Variants in COL24A1 observed in about 807,000 individuals in gnomAD.
The protein encoded by COL24A1 is collagen alpha-1(XXIV) chain.
A neutral mutation model predicts 253.9 loss-of-function variants in COL24A1; 224 were observed. The ratio of observed to expected loss-of-function variants is 0.88; its 90% CI spans 0.79 to 0.99. COL24A1 has a LOEUF of 0.99. Among genes scored for constraint, COL24A1 ranks in the 50% least tolerant of loss-of-function variants. The pLI is 0.00. For missense variants in COL24A1, 2,131 were observed against 2,068.5 expected, an observed-to-expected ratio of 1.03 and a Z score of -0.59; for synonymous variants, 685 against 673.7, an observed-to-expected ratio of 1.02 and a Z score of -0.26.
chr1:85,926,792 T>G (rs1418845981), intron 24 of COL24A1, among the ~76,000 whole-genome samples: 2 of 151,986 alleles, frequency 1.3e-5, no homozygotes, highest in African/African-American at 4.8e-5. Context: ...GTTGTGCACA[T>G]GTACCCTAGA....
intron 10 of COL24A1, among the ~76,000 whole-genome samples, chr1:86,056,428 C>G (rs887491908): frequency 6.6e-6 from 1 of 152,178 alleles, no homozygotes; most frequent in African/African-American, 2.4e-5. Flanking sequence ...TGTTCTCCTA[C>G]ATCACAGGGC....
In COL24A1 at chr1:85,997,542, T is replaced by C. The variant is rs550172322; in HGVS notation, c.2311-9888A>G. ...ACTCACACCTGTAATCCCAGCACTT[T>C]GGGAGGCCAACTTGGGTGGATCACA... On this transcript the variant is annotated intron_variant, in intron 19 of 59. Transcript: ENST00000370571. 1.2e-3 allele frequency among the ~76,000 whole-genome samples: 185 copies of C among 152,188 alleles called. 3 individuals are homozygous for C. Among genetic ancestry groups the C allele is most frequent in the South Asian group, 7.1e-3 (34 of 4,818 alleles).
In COL24A1 at chr1:86,105,736, G is replaced by A. The variant is rs577682259; in HGVS notation, c.1599+6831C>T. Among the ~76,000 whole-genome samples, 10 of 152,206 alleles carry A rather than the reference G, an allele frequency of 6.6e-5. No homozygotes were observed. In the East Asian group the frequency reaches 1.2e-3, roughly 18 times the overall value. On this transcript the variant is annotated intron_variant, in intron 5 of 59. Coordinates refer to ENST00000370571, the MANE Select transcript of COL24A1 (RefSeq NM_152890.7). ...GCTGCTCCTACCACTTATCTAAGCC[G>A]CTCTCCCTGTCAATGAAGTGGCTGT...
rs191547642 is a variant in COL24A1 at position 86,125,171 on chromosome 1, G to A, written c.1165C>T (p.Leu389=). 1.4e-5 allele frequency: 22 copies of A among 1,613,256 alleles called. No homozygotes were observed. The highest frequency in any genetic ancestry group is 1.9e-5 in the Non-Finnish European group (22 of 1,179,500). Residue 389 remains leucine, a synonymous_variant, in exon 3 of 60, where the codon CTG becomes TTG. Transcript: ENST00000370571. The stretch of plus-strand genomic sequence containing the variant: ...AGAATAGATGGCATCTTCTTAAACA[G>A]TGACAGACCAGTTACTCTATCATCA... ...QHDDRVTGLS[L]FKKMPSILPQ...
At chr1:86,003,439 G>A (rs1695625335) in intron 19 of COL24A1, among the ~76,000 whole-genome samples, 1 of 152,174 alleles carries the variant, frequency 6.6e-6, no homozygotes, top group African/African-American at 2.4e-5. Flanking sequence ...ACTCACTGCA[G>A]TTACCTTCTC....
At chr1:85,862,021 T>C (rs559566448) in intron 37 of COL24A1, among the ~76,000 whole-genome samples, 36 of 152,302 alleles carry the variant, frequency 2.4e-4, no homozygotes, top group African/African-American at 8.7e-4. Flanking sequence ...CTCAATGTAA[T>C]TGTCCCCTAT....
At chr1:85,773,354 C>G (rs778266393) in intron 53 of COL24A1, among the ~76,000 whole-genome samples, 9 of 152,072 alleles carry the variant, frequency 5.9e-5, no homozygotes, top group Non-Finnish European at 8.8e-5. Flanking sequence ...GCTATGTGGG[C>G]TCTTTTTTGG....
intron 7 of COL24A1, among the ~76,000 whole-genome samples, chr1:86,077,068 G>A (rs943238026): frequency 1.3e-5 from 2 of 152,196 alleles, no homozygotes; most frequent in Admixed American, 6.5e-5. Flanking sequence ...CTACAGGACA[G>A]GAGAAAATTT....
chr1:85,953,805 T>G (rs1485285749), intron 24 of COL24A1, among the ~76,000 whole-genome samples: 1 of 152,208 alleles, frequency 6.6e-6, no homozygotes, highest in Non-Finnish European at 1.5e-5. Flanking sequence ...TATACAGAAT[T>G]ACATTGAATG....
chr1:85,842,232 G>T, intron 40 of COL24A1, 108 bp downstream of exon 40: 1 of 1,334,010 alleles, frequency 7.5e-7, no homozygotes, highest in Non-Finnish European at 1.1e-6. Flanking sequence ...ACCTAAATAT[G>T]TTAGAAAGGT....
chr1:85,771,186 G>A (rs1472599369), intron 53 of COL24A1, among the ~76,000 whole-genome samples: 4 of 152,040 alleles, frequency 2.6e-5, no homozygotes, highest in Admixed American at 6.6e-5. Context: ...TCGTGCCATG[G>A]TGGTTTGCTG....
intron 5 of COL24A1, among the ~76,000 whole-genome samples, chr1:86,111,739 A>G (rs201436004): frequency 2.0e-5 from 3 of 152,284 alleles, no homozygotes; most frequent in South Asian, 4.1e-4. Flanking sequence ...ACACTGTGAA[A>G]GTCTGCAGCT....
rs1663360390 is a variant in COL24A1 at position 85,730,442 on chromosome 1, G to A, written c.*104C>T. 2.4e-6 allele frequency: 3 copies of A among 1,246,466 alleles called. No homozygotes were observed. Among genetic ancestry groups the A allele is most frequent in the South Asian group, 1.6e-5 (1 of 62,240 alleles). The allele number at this position is 1,246,466 out of a possible 1,614,324, so 77.2% of individuals were successfully genotyped here. A position where few individuals can be genotyped will look rare whatever the true frequency, so the allele number is the denominator to read the frequency against. ...TGAGATTCTTTAAGATTTAGCCAAT[G>A]CTTTATTACATGCATTTCATAATGA... On this transcript the variant is annotated 3_prime_UTR_variant, in exon 60 of 60. Transcript: ENST00000370571.
At chr1:85,875,384 A>T in intron 33 of COL24A1, 54 bp from the exon 34 acceptor site, 2 of 1,436,998 alleles carry the variant, frequency 1.4e-6, no homozygotes, top group Non-Finnish European at 2.0e-6. Context: ...TCATGAGAAG[A>T]TGGTGGTAAC....
At chr1:86,151,640 T>A (rs1652789473) in intron 1 of COL24A1, among the ~76,000 whole-genome samples, 1 of 152,210 alleles carries the variant, frequency 6.6e-6, no homozygotes, top group African/African-American at 2.4e-5. Flanking sequence ...TGTAAATGAC[T>A]AATACCCATT....
In COL24A1 at chr1:85,816,776, C is replaced by A. The variant is rs775539150; in HGVS notation, c.3951+12G>T. Reference sequence around the variant, plus strand: ...AGGAAATAATGAGCAAAGAGATATCCGTACTACTCACAGGAAGTCCCTGTT... The same window carrying A: ...AGGAAATAATGAGCAAAGAGATATCAGTACTACTCACAGGAAGTCCCTGTT... On this transcript the variant is annotated intron_variant, in intron 47 of 59. Coordinates refer to ENST00000370571, the MANE Select transcript of COL24A1 (RefSeq NM_152890.7). The A allele has an allele frequency of 1.9e-6, 3 of 1,594,926 alleles. No individual in the cohort carries two copies. In the South Asian group the frequency reaches 3.3e-5, roughly 18 times the overall value.
rs1237436997 is a variant in COL24A1 at position 86,125,502 on chromosome 1, T to A, written c.834A>T (p.Val278=). 2 of 1,613,574 alleles carry A rather than the reference T, an allele frequency of 1.2e-6. No individual in the cohort carries two copies. Among genetic ancestry groups the A allele is most frequent in the African/African-American group, 2.7e-5 (2 of 74,878 alleles). ...CTTCAGTAAATGTATCCTCTGACAG[T>A]ACTTTTTCAGCAAATAGTTTGGGCG... The part of the protein sequence containing the change: ...SPPPKLFAEK[V]LSEDTFTEGK... The change falls in exon 3 of 60, where the codon GTA becomes GTT. Residue 278 remains valine, a synonymous_variant. Transcript: ENST00000370571.
At chr1:85,904,088 C>T (rs1293072313) in intron 28 of COL24A1, among the ~76,000 whole-genome samples, 1 of 152,090 alleles carries the variant, frequency 6.6e-6, no homozygotes, top group African/African-American at 2.4e-5. Context: ...TTTCTATAGG[C>T]AGATCAATTT....
At chr1:85,741,844 A>G (rs1664678090) in intron 57 of COL24A1, among the ~76,000 whole-genome samples, 2 of 152,198 alleles carry the variant, frequency 1.3e-5, no homozygotes, top group Non-Finnish European at 2.9e-5. Context: ...GGTTTTAACT[A>G]CTACCATTCC....
Sources: gnomAD v4.1 joint callset for allele counts (sites outside exome capture counted in the v4.1 genomes callset) on GRCh38, gnomAD v4.1.1 for gene constraint, MANE v1.5 for transcripts, NCBI Gene and HGNC (gene_info 2026-07-23, HGNC 2026-07-21) for gene names.